The following GABRA2 variants were observed in gnomAD, a reference collection of about 807,000 sequenced individuals.
GABRA2 encodes gamma-aminobutyric acid type A receptor subunit alpha2, also known as gamma-aminobutyric acid receptor subunit alpha-2.
In GABRA2, 16 loss-of-function variants were observed where a neutral mutation model predicts 48.7. The ratio of observed to expected loss-of-function variants is 0.33; its 90% CI spans 0.22 to 0.50. The LOEUF is 0.50. Among genes scored for constraint, GABRA2 ranks in the 20% least tolerant of loss-of-function variants. The probability of loss-of-function intolerance (pLI) is 0.98; values close to 1 mark genes in which losing one functional copy is unlikely to be tolerated. For missense variants in GABRA2, 275 were observed against 535.6 expected (o/e 0.51, Z 4.80); for synonymous variants, 185 against 184.5 (o/e 1.00, Z -0.02).
intron 3 of GABRA2, chr4:46,368,548 CTG>C (rs1714408609): frequency 6.2e-6 from 1 of 160,268 alleles, no homozygotes; most frequent in Admixed American, 6.2e-5. Context: ...CAAACCAAAT[CTG>C]AATGAGTCTT....
chr4:46,291,697 G>A (rs7656097), intron 8 of GABRA2, among the ~76,000 whole-genome samples: 6 of 151,376 alleles, frequency 4.0e-5, no homozygotes, highest in Admixed American at 4.0e-4. Flanking sequence ...TGGCTTCATT[G>A]CTCCTCAGCT....
At chr4:46,387,098 G>C (rs538086976) in intron 2 of GABRA2, among the ~76,000 whole-genome samples, 4 of 151,970 alleles carry the variant, frequency 2.6e-5, no homozygotes, top group Non-Finnish European at 5.9e-5. Context: ...CCTTTTCATT[G>C]TCTTTTTTTT....
intron 4 of GABRA2, 45 bp downstream of exon 4, chr4:46,332,570 C>G (rs778870933): frequency 9.3e-7 from 1 of 1,079,340 alleles, no homozygotes; most frequent in Non-Finnish European, 1.4e-6. Flanking sequence ...TTACCCCCCA[C>G]TCCCCATTAT....
intron 5 of GABRA2, 132 bp from the exon 6 acceptor site, chr4:46,310,387 T>A (rs1481848250): frequency 1.8e-6 from 1 of 542,162 alleles, no homozygotes; most frequent in Non-Finnish European, 3.3e-6. Context: ...ATTTAAATAA[T>A]CTTTTGTTCA....
intron 3 of GABRA2, chr4:46,363,578 A>G (rs1272044151): frequency 6.6e-6 from 1 of 152,208 alleles, no homozygotes; most frequent in African/African-American, 2.4e-5. Flanking sequence ...CAATTTTGCA[A>G]TGAAAGGCTT....
intron 2 of GABRA2, among the ~76,000 whole-genome samples, chr4:46,388,397 C>G (rs533164774): frequency 9.3e-4 from 141 of 152,236 alleles, no homozygotes; most frequent in Non-Finnish European, 1.8e-3. Flanking sequence ...AAAGGATTTT[C>G]TTTTCTTCTG....
chr4:46,298,188 G>T (rs1044804008), intron 8 of GABRA2, among the ~76,000 whole-genome samples: 9 of 152,034 alleles, frequency 5.9e-5, no homozygotes, highest in Non-Finnish European at 1.0e-4. Flanking sequence ...TGGTTCATTT[G>T]AGAGGAATGT....
chr4:46,278,832 T>C (rs1720990581), intron 8 of GABRA2, among the ~76,000 whole-genome samples: 1 of 152,036 alleles, frequency 6.6e-6, no homozygotes, highest in Non-Finnish European at 1.5e-5. Flanking sequence ...AATTAAATGT[T>C]AACAGTAGAG....
intron 2 of GABRA2, among the ~76,000 whole-genome samples, 174 bp from the exon 3 acceptor site, chr4:46,386,363 A>G (rs779524156): frequency 6.6e-6 from 1 of 152,176 alleles, no homozygotes. Context: ...AAAGGTAAAC[A>G]TGAAATTGAA....
chr4:46,250,623 A>G lies in GABRA2; in HGVS notation c.1060-19T>C, dbSNP rs1306874256. On this transcript the variant is annotated intron_variant, in intron 9 of 9. Coordinates refer to ENST00000381620, the MANE Select transcript of GABRA2 (RefSeq NM_000807.4). ...CTTTTTTCTATTGAAAAATACAAAA[A>G]TTAACAGAGTGTGGGTTGAGTCTGC... 6.4e-7 allele frequency: 1 copy of G among 1,566,086 alleles called. No individual in the cohort carries two copies. Among genetic ancestry groups the G allele is most frequent in the South Asian group, 1.2e-5 (1 of 84,360 alleles).
chr4:46,374,580 T>C (rs1044119004), intron 3 of GABRA2, among the ~76,000 whole-genome samples: 4 of 152,148 alleles, frequency 2.6e-5, no homozygotes, highest in African/African-American at 4.8e-5. Context: ...CAAAATCCAA[T>C]TGTACTACCC....
chr4:46,260,164 C>A (rs1356656771), intron 9 of GABRA2, among the ~76,000 whole-genome samples: 1 of 151,836 alleles, frequency 6.6e-6, no homozygotes, highest in African/African-American at 2.4e-5. Context: ...AAGGACCAGG[C>A]ACTGTGCTGG....
At chr4:46,281,981 G>A (rs192111053) in intron 8 of GABRA2, among the ~76,000 whole-genome samples, 72 of 152,300 alleles carry the variant, frequency 4.7e-4, no homozygotes, top group Non-Finnish European at 9.0e-4. Context: ...AGACGGAAGG[G>A]TTGGCAATAT....
intron 4 of GABRA2, among the ~76,000 whole-genome samples, chr4:46,331,863 A>T (rs1054463160): frequency 6.6e-6 from 1 of 151,984 alleles, no homozygotes; most frequent in African/African-American, 2.4e-5. Flanking sequence ...TTCTGACCAC[A>T]GGCATGTGCT....
chr4:46,339,051 AAGTG>A (rs1215636964), intron 3 of GABRA2, among the ~76,000 whole-genome samples: 1 of 151,882 alleles, frequency 6.6e-6, no homozygotes, highest in East Asian at 1.9e-4. Flanking sequence ...AGCAATGAGT[AAGTG>A]AGTGAGTGAG....
chr4:46,262,956 A>AAGAGAG (rs889064929), intron 8 of GABRA2, among the ~76,000 whole-genome samples: 5 of 30,960 alleles, frequency 1.6e-4, no homozygotes, highest in Admixed American at 5.6e-4. Flanking sequence ...GAAAGAAAGA[A>AAGAGAG]AGAGAGAGAG....
At chr4:46,284,135 A>G (rs924965249) in intron 8 of GABRA2, among the ~76,000 whole-genome samples, 1 of 152,024 alleles carries the variant, frequency 6.6e-6, no homozygotes, top group African/African-American at 2.4e-5. Flanking sequence ...AAAAAATACA[A>G]GTTCATAATT....
intron 8 of GABRA2, among the ~76,000 whole-genome samples, chr4:46,273,484 CATATATATATATATATGCATATATAT>C (rs1486165896): frequency 5.3e-5 from 1 of 18,912 alleles, no homozygotes; most frequent in Non-Finnish European, 1.1e-4. Flanking sequence ...TATATATATG[CATATATATATATATATGCATATATAT>C]ATATATATAT....
chr4:46,345,407 T>A (rs1361271488), intron 3 of GABRA2, among the ~76,000 whole-genome samples: 1 of 151,884 alleles, frequency 6.6e-6, no homozygotes, highest in East Asian at 1.9e-4. Flanking sequence ...CTACTGCAGC[T>A]GTGATGCTCT....
Sources: allele counts gnomAD v4.1 joint callset (sites outside exome capture counted in the v4.1 genomes callset), GRCh38; gene constraint gnomAD v4.1.1; transcripts MANE v1.5; gene names NCBI Gene and HGNC (gene_info 2026-07-23, HGNC 2026-07-21).